The following MFHAS1 variants were observed in gnomAD, a reference collection of about 807,000 sequenced individuals.
MFHAS1 encodes multifunctional ROCO family signaling regulator 1.
In MFHAS1, 50 loss-of-function variants were observed where a neutral mutation model predicts 70.4. The ratio of observed to expected loss-of-function variants is 0.71; its 90% CI spans 0.57 to 0.90. The LOEUF (loss-of-function observed/expected upper bound fraction) is 0.90, where lower values mean the gene tolerates loss of function less well. Ranked by LOEUF, MFHAS1 falls within the 40% of genes least tolerant of loss-of-function variation. The pLI, the probability that MFHAS1 is intolerant of heterozygous loss-of-function variation, is 0.00. For missense variants in MFHAS1, 1,795 were observed against 1,347.6 expected, an observed-to-expected ratio of 1.33 and a Z score of -5.20; for synonymous variants, 952 against 620.0, an observed-to-expected ratio of 1.54 and a Z score of -7.96.
chr8:8,876,794 T>G (rs1048935175), intron 1 of MFHAS1, among the ~76,000 whole-genome samples: 1 of 151,920 alleles, frequency 6.6e-6, no homozygotes, highest in Admixed American at 6.6e-5. Flanking sequence ...TCCACAAACT[T>G]ATCACTCTTC....
chr8:8,878,265 G>A (rs922128301), intron 1 of MFHAS1, among the ~76,000 whole-genome samples: 12 of 152,190 alleles, frequency 7.9e-5, no homozygotes, highest in Admixed American at 2.0e-4. Flanking sequence ...CCCAAGTGAC[G>A]GTGGGTCAGA....
chr8:8,889,501 C>T (rs1246268692), intron 1 of MFHAS1, among the ~76,000 whole-genome samples: 1 of 152,206 alleles, frequency 6.6e-6, no homozygotes, highest in Non-Finnish European at 1.5e-5. Flanking sequence ...TGCTTAAATG[C>T]TTGAGGGGAT....
chr8:8,878,993 C>G (rs939012273), intron 1 of MFHAS1, among the ~76,000 whole-genome samples: 5 of 152,136 alleles, frequency 3.3e-5, no homozygotes, highest in Non-Finnish European at 7.3e-5. Flanking sequence ...CTTTGGTGTT[C>G]AGAAATGACT....
intron 1 of MFHAS1, among the ~76,000 whole-genome samples, chr8:8,872,111 A>G (rs535688198): frequency 2.2e-4 from 34 of 152,370 alleles, no homozygotes; most frequent in African/African-American, 7.9e-4. Flanking sequence ...TCTGTGTAAC[A>G]TAAGCTTCTG....
rs1585078366 is a variant in MFHAS1 at position 8,891,601 on chromosome 8, C to T, written c.1458G>A (p.Val486=). The T allele has an allele frequency of 1.2e-6, 2 of 1,613,512 alleles. No homozygotes were observed. The highest frequency in any genetic ancestry group is 4.5e-5 in the East Asian group (2 of 44,872). Reference sequence around the variant, plus strand: ...CTGGGGACAGGAAGAAGGGCTGGATCACCTCATAACTTTCATCCCCAGCTA... The same window carrying T: ...CTGGGGACAGGAAGAAGGGCTGGATTACCTCATAACTTTCATCCCCAGCTA... ...YDLAGDESYE[V]IQPFFLSPGA... Residue 486 remains valine, a synonymous_variant, in exon 1 of 3, where the codon GTG becomes GTA. Transcript: ENST00000276282. The surrounding 1 kb of genome is among the most constrained non-coding windows in gnomAD (Gnocchi z 5.4).
intron 1 of MFHAS1, among the ~76,000 whole-genome samples, chr8:8,829,727 G>A (rs1040586094): frequency 1.4e-4 from 21 of 152,302 alleles, no homozygotes; most frequent in African/African-American, 4.1e-4. Flanking sequence ...AGGAGATTGC[G>A]TGGGGTATCC....
intron 1 of MFHAS1, among the ~76,000 whole-genome samples, chr8:8,839,724 T>A (rs1265581815): frequency 1.3e-5 from 2 of 152,254 alleles, no homozygotes; most frequent in Non-Finnish European, 2.9e-5. Context: ...AATATATTAT[T>A]GATTACATAT....
intron 1 of MFHAS1, among the ~76,000 whole-genome samples, chr8:8,858,538 A>G (rs905633056): frequency 2.6e-5 from 4 of 152,214 alleles, no homozygotes; most frequent in Non-Finnish European, 5.9e-5. Context: ...ATGCAATGCT[A>G]TAATTACAAC....
intron 1 of MFHAS1, among the ~76,000 whole-genome samples, chr8:8,886,383 G>A (rs953065490): frequency 6.6e-6 from 1 of 151,828 alleles, no homozygotes. Flanking sequence ...ACTCAGGCTG[G>A]TCTCGAACTC....
chr8:8,880,172 G>C (rs1000438080), intron 1 of MFHAS1, among the ~76,000 whole-genome samples: 10 of 152,086 alleles, frequency 6.6e-5, no homozygotes, highest in Non-Finnish European at 1.3e-4. Flanking sequence ...AATCAACATG[G>C]CATCTCCAGG....
At chr8:8,802,881 G>C (rs932397036) in intron 1 of MFHAS1, among the ~76,000 whole-genome samples, 1 of 152,188 alleles carries the variant, frequency 6.6e-6, no homozygotes, top group African/African-American at 2.4e-5. Context: ...GAATTCATGG[G>C]GAAGGCAGGT....
intron 1 of MFHAS1, among the ~76,000 whole-genome samples, chr8:8,802,253 T>C (rs185244010): frequency 7.2e-4 from 109 of 152,294 alleles, no homozygotes; most frequent in African/African-American, 2.4e-3. Flanking sequence ...CAGGAAGAAG[T>C]GGCTGTGCTG....
At chr8:8,822,620 C>A (rs1268469920) in intron 1 of MFHAS1, among the ~76,000 whole-genome samples, 1 of 138,076 alleles carries the variant, frequency 7.2e-6, no homozygotes, top group Non-Finnish European at 1.5e-5. Flanking sequence ...GACAGGGACC[C>A]AAGTCAGGGG....
intron 1 of MFHAS1, among the ~76,000 whole-genome samples, chr8:8,798,008 C>T (rs1464913472): frequency 6.6e-6 from 1 of 152,244 alleles, no homozygotes; most frequent in South Asian, 2.1e-4. Flanking sequence ...CCAGCCTCCT[C>T]TGGGCAAGGG....
At chr8:8,843,313 G>A (rs1473753516) in intron 1 of MFHAS1, among the ~76,000 whole-genome samples, 1 of 151,600 alleles carries the variant, frequency 6.6e-6, no homozygotes, top group East Asian at 1.9e-4. Context: ...GCCAGGTGCT[G>A]TGACTCACAC....
chr8:8,871,463 T>A (rs1367726763), intron 1 of MFHAS1, among the ~76,000 whole-genome samples: 1 of 152,056 alleles, frequency 6.6e-6, no homozygotes. Flanking sequence ...GGCACAAGAA[T>A]CATTTGAACC....
At chr8:8,872,562 G>A (rs1458981548) in intron 1 of MFHAS1, among the ~76,000 whole-genome samples, 4 of 152,096 alleles carry the variant, frequency 2.6e-5, no homozygotes, top group African/African-American at 9.7e-5. Flanking sequence ...TGCTATTTGG[G>A]TAAGCTTTTA....
rs939885470 is a variant in MFHAS1, at chr8:8,783,564, T to G, written c.*2458A>C. 2 of 151,920 alleles carry G rather than the reference T, an allele frequency of 1.3e-5. No individual in the cohort carries two copies. The highest frequency in any genetic ancestry group is 4.9e-5 in the African/African-American group (2 of 41,174). The allele number at this position is 151,920 out of a possible 1,614,324, so 9.4% of individuals were successfully genotyped here. ...TGTCAAATATGAGCACTGTCATTTT[T>G]TTTTTCTTAGAAGGGGGAAAAACAT... On this transcript the variant is annotated 3_prime_UTR_variant, in exon 3 of 3. Transcript: ENST00000276282.
chr8:8,830,658 A>G (rs918858863), intron 1 of MFHAS1, among the ~76,000 whole-genome samples: 12 of 152,318 alleles, frequency 7.9e-5, no homozygotes, highest in Admixed American at 7.8e-4. Context: ...GCTGCAGTGC[A>G]GTGGTGTGAT....
Sources: allele counts gnomAD v4.1 joint callset (sites outside exome capture counted in the v4.1 genomes callset), GRCh38; gene constraint gnomAD v4.1.1; non-coding constraint Gnocchi (gnomAD v3.1); transcripts MANE v1.5; gene names NCBI Gene and HGNC (gene_info 2026-07-23, HGNC 2026-07-21).